Variants in DCP1A observed in about 807,000 individuals in gnomAD.
DCP1A encodes the protein decapping mRNA 1A.
In DCP1A, 20 loss-of-function variants were observed where a neutral mutation model predicts 58.0. That is an observed-to-expected ratio of 0.34 (90% CI 0.24 to 0.50). DCP1A has a LOEUF of 0.50. DCP1A is among the 20% of genes least tolerant of loss of function. The pLI, the probability that DCP1A is intolerant of heterozygous loss-of-function variation, is 0.98. For missense variants in DCP1A, 613 were observed against 712.2 expected (o/e 0.86, Z 1.59); for synonymous variants, 285 against 275.1 (o/e 1.04, Z -0.36).
At chr3:53,300,793 G>A (rs565355614) in intron 6 of DCP1A, among the ~76,000 whole-genome samples, 8 of 151,782 alleles carry the variant, frequency 5.3e-5, no homozygotes, top group South Asian at 2.1e-4. Flanking sequence ...GATTACAGGC[G>A]TGCACCACCA....
intron 6 of DCP1A, among the ~76,000 whole-genome samples, chr3:53,301,384 G>T (rs1437298813): frequency 1.3e-5 from 2 of 151,824 alleles, no homozygotes; most frequent in Non-Finnish European, 2.9e-5. Context: ...CGATTCTCGT[G>T]CCTCAGCCTC....
chr3:53,323,441 T>A (rs571256124), intron 3 of DCP1A, among the ~76,000 whole-genome samples: 1 of 152,356 alleles, frequency 6.6e-6, no homozygotes, highest in African/African-American at 2.4e-5. Context: ...GGACTACCTT[T>A]CTTGAAATAT....
chr3:53,314,033 C>G (rs1017916892), intron 4 of DCP1A, among the ~76,000 whole-genome samples: 5 of 151,948 alleles, frequency 3.3e-5, no homozygotes, highest in Non-Finnish European at 7.4e-5. Flanking sequence ...CCACAACCCA[C>G]CCATTGAATT....
intron 3 of DCP1A, among the ~76,000 whole-genome samples, chr3:53,325,205 A>G (rs1283688996): frequency 6.6e-6 from 1 of 152,230 alleles, no homozygotes; most frequent in Admixed American, 6.5e-5. Context: ...TGGCTCACAC[A>G]AGATCAAGAA....
chr3:53,323,802 C>T (rs150636862), intron 3 of DCP1A, among the ~76,000 whole-genome samples: 3 of 144,862 alleles, frequency 2.1e-5, no homozygotes, highest in African/African-American at 7.8e-5. Flanking sequence ...GCAGAGGTTG[C>T]AGTGAGCCGA....
intron 6 of DCP1A, among the ~76,000 whole-genome samples, chr3:53,297,331 A>C (rs1707161346): frequency 6.6e-6 from 1 of 152,150 alleles, no homozygotes. Flanking sequence ...CTTAGCAAAA[A>C]AAAGTATTGG....
At chr3:53,319,829 A>T (rs1343943575) in intron 3 of DCP1A, among the ~76,000 whole-genome samples, 1 of 152,206 alleles carries the variant, frequency 6.6e-6, no homozygotes, top group Admixed American at 6.5e-5. Flanking sequence ...GATGCATTCT[A>T]AATTGATATT....
chr3:53,308,799 C>T (rs914849078), intron 5 of DCP1A, among the ~76,000 whole-genome samples: 3 of 151,956 alleles, frequency 2.0e-5, no homozygotes, highest in Admixed American at 6.6e-5. Context: ...CAAGGTCTTG[C>T]TATGTTGCCC....
chr3:53,322,888 T>C (rs940677809), intron 3 of DCP1A, among the ~76,000 whole-genome samples: 8 of 151,936 alleles, frequency 5.3e-5, no homozygotes, highest in African/African-American at 1.9e-4. Flanking sequence ...CTTGGCTCAT[T>C]GCAAGCTCTG....
At chr3:53,294,834 C>G (rs894164857) in intron 6 of DCP1A, among the ~76,000 whole-genome samples, 49 of 152,192 alleles carry the variant, frequency 3.2e-4, no homozygotes, top group African/African-American at 9.4e-4. Context: ...GTCAGCACTC[C>G]TAACAACATG....
Position 53,283,604 on chromosome 3 carries a change from G to A in DCP1A, c.*3976C>T, listed in dbSNP as rs1458710406. ...GTTAATGATACAGTATTGCGCTCATGGAACAAAAATCTTGCTGTAATTCCA... is the reference window on the plus strand; with the variant it reads ...GTTAATGATACAGTATTGCGCTCATAGAACAAAAATCTTGCTGTAATTCCA... On this transcript the variant is annotated 3_prime_UTR_variant, in exon 10 of 10. Coordinates refer to ENST00000610213, the MANE Select transcript of DCP1A (RefSeq NM_018403.7). 6.6e-6 allele frequency: 1 copy of A among 152,172 alleles called. No individual in the cohort carries two copies. Among genetic ancestry groups the A allele is most frequent in the South Asian group, 2.1e-4 (1 of 4,832 alleles). 9.4% of individuals were successfully genotyped at this position (152,172 alleles called of 1,614,324 possible). A position where few individuals can be genotyped will look rare whatever the true frequency, so the allele number is the denominator to read the frequency against.
intron 6 of DCP1A, among the ~76,000 whole-genome samples, chr3:53,300,339 C>CTTTTTTT (rs34299781): frequency 7.2e-6 from 1 of 139,532 alleles, no homozygotes. Flanking sequence ...TGCTTTATGA[C>CTTTTTTT]TTTTTTTTTT....
intron 2 of DCP1A, among the ~76,000 whole-genome samples, chr3:53,344,002 T>C (rs968127184): frequency 6.6e-6 from 1 of 152,074 alleles, no homozygotes; most frequent in Non-Finnish European, 1.5e-5. Flanking sequence ...TATCAAAGAA[T>C]TACACTTAAA....
chr3:53,329,574 C>T (rs1310328551), intron 3 of DCP1A: 1 of 384,618 alleles, frequency 2.6e-6, no homozygotes, highest in Non-Finnish European at 4.6e-6. Flanking sequence ...GACATTAACT[C>T]CTTTTTAAGA....
At chr3:53,316,575 A>G (rs1307140164) in intron 4 of DCP1A, among the ~76,000 whole-genome samples, 1 of 148,792 alleles carries the variant, frequency 6.7e-6, no homozygotes, top group Non-Finnish European at 1.5e-5. Context: ...GGCTTCTCTA[A>G]TCACTTTCTT....
At chr3:53,312,495 CTTT>C (rs879948145) in intron 4 of DCP1A, 116 bp from the exon 5 acceptor site, 6,169 of 520,474 alleles carry the variant, frequency 0.012, 1 homozygote, top group South Asian at 0.019. Flanking sequence ...TGACATTCTT[CTTT>C]TTTTTTTTTT....
chr3:53,310,694 AG>A (rs1350687402), intron 5 of DCP1A, among the ~76,000 whole-genome samples: 3 of 152,216 alleles, frequency 2.0e-5, no homozygotes, highest in African/African-American at 7.2e-5. Flanking sequence ...AATTTATTAG[AG>A]AGGTGACTGC....
chr3:53,342,218 TTG>T lies in DCP1A; in HGVS notation c.228_229del (p.His76GlnfsTer4). On this transcript the variant is annotated frameshift_variant, in exon 3 of 10. Coordinates refer to ENST00000610213, the MANE Select transcript of DCP1A (RefSeq NM_018403.7). LOFTEE classifies it high-confidence loss of function. ...ATCTTTATTCACTGGTTCAACTAGA[TTG>T]TGCATATTTAGTCGATTCACAATGG... is the stretch of plus-strand genomic sequence containing the variant. The T allele has an allele frequency of 1.2e-6, 2 of 1,605,002 alleles. No homozygotes were observed. The highest frequency in any genetic ancestry group is 1.7e-6 in the Non-Finnish European group (2 of 1,174,298).
At position 53,292,813 on chromosome 3, in the gene DCP1A, T is replaced by C. The variant is rs782226733; in HGVS notation, c.639A>G (p.Gly213=). The change falls in exon 7 of 10, where the codon GGA becomes GGG. Residue 213 remains glycine, a synonymous_variant. Coordinates refer to ENST00000610213, the MANE Select transcript of DCP1A (RefSeq NM_018403.7). ...ACTCTTCTACCGTCAGATGCTTGTG[T>C]CCAGATGGAGCAGACTGAAAAACAA... ...SGSQDKSAPS[G]HKHLTVEELF... is the part of the protein sequence containing the mutation. The C allele has an allele frequency of 5.0e-6, 8 of 1,606,782 alleles. No individual in the cohort carries two copies. The African/African-American group carries it at 5.3e-5, about 11-fold the overall frequency.
Sources: allele counts gnomAD v4.1 joint callset (sites outside exome capture counted in the v4.1 genomes callset), GRCh38; gene constraint gnomAD v4.1.1; transcripts MANE v1.5; gene names NCBI Gene and HGNC (gene_info 2026-07-23, HGNC 2026-07-21).